Variants in SEL1L3 observed in about 807,000 individuals in gnomAD.
SEL1L3 encodes SEL1L family member 3.
Under a neutral mutation model 142.8 loss-of-function variants are expected in SEL1L3, and 76 were observed. The ratio of observed to expected loss-of-function variants is 0.53; its 90% confidence interval spans 0.44 to 0.64. The LOEUF (loss-of-function observed/expected upper bound fraction) is 0.64, where lower values mean the gene tolerates loss of function less well. Ranked by LOEUF, SEL1L3 falls within the 30% of genes least tolerant of loss-of-function variation. The pLI, the probability that SEL1L3 is intolerant of heterozygous loss-of-function variation, is 0.00. For missense variants in SEL1L3, 1,262 were observed against 1,381.7 expected (o/e 0.91, Z 1.37); for synonymous variants, 504 against 519.6 (o/e 0.97, Z 0.41).
At chr4:25,781,567 C>T (rs745348503) in intron 15 of SEL1L3, among the ~76,000 whole-genome samples, 41 of 151,884 alleles carry the variant, frequency 2.7e-4, no homozygotes, top group African/African-American at 7.7e-4. Flanking sequence ...TTATTTTTAA[C>T]GATTTTTATT....
chr4:25,737,390 T>C, the SEL1L3 span, among the ~76,000 whole-genome samples: 40 of 152,322 alleles, frequency 2.6e-4, no homozygotes, highest in East Asian at 5.0e-3. Context: ...CCTTTTTTCT[T>C]TGTTTCTAGG....
At chr4:25,793,000 T>A (rs139330962) in intron 11 of SEL1L3, among the ~76,000 whole-genome samples, 1 of 152,250 alleles carries the variant, frequency 6.6e-6, no homozygotes, top group Non-Finnish European at 1.5e-5. Context: ...AGAACCATCA[T>A]GGATGATGTG....
chr4:25,851,133 G>A (rs1327406074), intron 1 of SEL1L3, among the ~76,000 whole-genome samples: 1 of 152,160 alleles, frequency 6.6e-6, no homozygotes, highest in Non-Finnish European at 1.5e-5. Context: ...TTACAGGCGT[G>A]AGCCACTGTG....
the SEL1L3 span, among the ~76,000 whole-genome samples, chr4:25,726,006 A>G: frequency 6.6e-6 from 1 of 152,082 alleles, no homozygotes; most frequent in Non-Finnish European, 1.5e-5. Flanking sequence ...CCTGTGACTA[A>G]GAATGCCTAA....
chr4:25,717,523 G>A, the SEL1L3 span, among the ~76,000 whole-genome samples: 16 of 152,138 alleles, frequency 1.1e-4, no homozygotes, highest in African/African-American at 3.9e-4. Context: ...AAAAATTGCC[G>A]GGCGTGGTGG....
the SEL1L3 span, among the ~76,000 whole-genome samples, chr4:25,735,250 G>A: frequency 6.6e-6 from 1 of 150,824 alleles, no homozygotes; most frequent in Non-Finnish European, 1.5e-5. Flanking sequence ...TTGCTATATT[G>A]CCCAGGTTGT....
intron 23 of SEL1L3, among the ~76,000 whole-genome samples, chr4:25,751,381 C>T (rs1021330454): frequency 3.3e-5 from 5 of 152,082 alleles, no homozygotes; most frequent in African/African-American, 1.2e-4. Context: ...TGACGCTTGG[C>T]TTTGGCAAAG....
chr4:25,787,326 A>AT lies in SEL1L3; in HGVS notation c.2217+897dup, dbSNP rs35364169. On this transcript the variant is annotated intron_variant, in intron 13 of 23. Coordinates refer to ENST00000399878, the MANE Select transcript of SEL1L3 (RefSeq NM_015187.5). ...ACTCAATCAGTGTGAACTATTACTA[A>AT]TTTTTTTTTTCTGAGATGGAGTGTG... Among the ~76,000 whole-genome samples the AT allele has an allele frequency of 7.0e-3, 1,063 of 150,980 alleles. 7 individuals carry two copies. Among genetic ancestry groups the AT allele is most frequent in the African/African-American group, 0.022 (907 of 41,204 alleles).
At chr4:25,752,890 G>A (rs768401759) in intron 23 of SEL1L3, among the ~76,000 whole-genome samples, 1 of 152,272 alleles carries the variant, frequency 6.6e-6, no homozygotes, top group African/African-American at 2.4e-5. Flanking sequence ...CAAAGTGCTA[G>A]GCGTGAGCCA....
At chr4:25,840,363 T>C (rs1366896032) in intron 2 of SEL1L3, among the ~76,000 whole-genome samples, 2 of 152,216 alleles carry the variant, frequency 1.3e-5, no homozygotes, top group East Asian at 3.8e-4. Flanking sequence ...TATCATGACA[T>C]TGACTTGAAT....
intron 1 of SEL1L3, among the ~76,000 whole-genome samples, chr4:25,856,768 A>G (rs1284967344): frequency 1.3e-5 from 2 of 152,336 alleles, no homozygotes; most frequent in South Asian, 4.1e-4. Flanking sequence ...AACTTCTTTT[A>G]GGATAACTGC....
chr4:25,814,120 A>G (rs1714212908), intron 9 of SEL1L3, among the ~76,000 whole-genome samples: 1 of 152,184 alleles, frequency 6.6e-6, no homozygotes. Flanking sequence ...CTCAGACAGA[A>G]CCAGAAATTA....
chr4:25,749,601 T>C (rs1038065180), intron 23 of SEL1L3, among the ~76,000 whole-genome samples: 1 of 152,206 alleles, frequency 6.6e-6, no homozygotes, highest in Non-Finnish European at 1.5e-5. Flanking sequence ...TCATCTGGAA[T>C]GTGTGCTAAT....
chr4:25,748,785 C>T (rs533597470), intron 23 of SEL1L3, among the ~76,000 whole-genome samples: 7 of 152,294 alleles, frequency 4.6e-5, no homozygotes, highest in Non-Finnish European at 7.3e-5. Flanking sequence ...AGAGTTTCAC[C>T]TCCAAGTGCC....
At chr4:25,750,203 C>A (rs1260787386) in intron 23 of SEL1L3, among the ~76,000 whole-genome samples, 1 of 140,538 alleles carries the variant, frequency 7.1e-6, no homozygotes, top group East Asian at 2.1e-4. Flanking sequence ...TCACTGCACA[C>A]CAGCCTGGGC....
chr4:25,814,768 T>A (rs1361785126), intron 9 of SEL1L3, among the ~76,000 whole-genome samples: 4 of 151,158 alleles, frequency 2.6e-5, no homozygotes, highest in Non-Finnish European at 5.9e-5. Context: ...TAAACTCATT[T>A]TTTTTTACCC....
the SEL1L3 span, among the ~76,000 whole-genome samples, chr4:25,727,797 G>A: frequency 6.6e-6 from 1 of 152,182 alleles, no homozygotes; most frequent in Non-Finnish European, 1.5e-5. Flanking sequence ...ATCCCAGGAT[G>A]GGAGGCCAGA....
intron 2 of SEL1L3, among the ~76,000 whole-genome samples, chr4:25,840,030 A>G (rs1427671028): frequency 1.3e-5 from 2 of 152,244 alleles, no homozygotes; most frequent in African/African-American, 4.8e-5. Flanking sequence ...CTGTATTAGC[A>G]TATTTCAGAG....
At position 25,818,145 on chromosome 4, in the gene SEL1L3, C is replaced by G. The variant is rs578020631; in HGVS notation, c.1557G>C (p.Leu519=). The G allele has an allele frequency of 4.5e-5, 72 of 1,611,344 alleles. No homozygotes were observed. The South Asian group carries it at 7.5e-4, about 17-fold the overall frequency. The part of the protein sequence containing the change: ...SLFQALLEMD[L]LTVPRNQNES... ...AGGCAAAGACTCAATTACCGGTCAG[C>G]AGATCCATCTCCAGCAATGCCTGGA... Residue 519 remains leucine, a synonymous_variant, in exon 9 of 24, where the codon CTG becomes CTC. Coordinates refer to ENST00000399878, the MANE Select transcript of SEL1L3 (RefSeq NM_015187.5).
Sources: gnomAD v4.1 joint callset for allele counts (sites outside exome capture counted in the v4.1 genomes callset) on GRCh38, gnomAD v4.1.1 for gene constraint, MANE v1.5 for transcripts, NCBI Gene and HGNC (gene_info 2026-07-23, HGNC 2026-07-21) for gene names.